SLC16A13: variants seen among roughly 807,000 people sequenced by gnomAD.
SLC16A13 encodes monocarboxylate transporter 13.
SLC16A13 carries 28 observed loss-of-function variants against 28.1 expected under a neutral mutation model. The ratio of observed to expected loss-of-function variants is 1.00; its 90% CI spans 0.74 to 1.37. SLC16A13 has a LOEUF of 1.37. Among genes scored for constraint, SLC16A13 ranks in the 40% most tolerant of loss-of-function variants. The pLI is 0.00. For synonymous variants in SLC16A13, 228 were observed against 241.6 expected, an observed-to-expected ratio of 0.94 and a Z score of 0.52; for missense variants, 482 against 531.8, an observed-to-expected ratio of 0.91 and a Z score of 0.92.
In SLC16A13 at chr17:7,039,761, A is replaced by C; in HGVS notation, c.1082-2A>C. 6.2e-7 allele frequency: 1 copy of C among 1,614,088 alleles called. No individual in the cohort carries two copies. ...TGTATTCTTTTTCTCTCTTGGACCT[A>C]GGCTACCTCCGGGATGTGACAGGCA... On this transcript the variant is annotated splice_acceptor_variant, in intron 3 of 3. Coordinates refer to ENST00000308027, the MANE Select transcript of SLC16A13 (RefSeq NM_201566.3). LOFTEE classifies it high-confidence loss of function. This position sits in a 1 kb window ranked among gnomAD's most constrained non-coding sequence, Gnocchi z 4.3.
chr17:7,036,827 T>A lies in SLC16A13; in HGVS notation c.300T>A (p.Ala100=), dbSNP rs751416300. ...TGGGGATGCTGCTCGCCTCTTTTGC[T>A]ACTTCCTTGACCCACCTATACCTGA... ...AALGMLLASF[A]TSLTHLYLSI... Residue 100 remains alanine, a synonymous_variant, in exon 2 of 4, where the codon GCT becomes GCA. Transcript: ENST00000308027. 1.9e-6 allele frequency: 3 copies of A among 1,613,828 alleles called. No homozygotes were observed. In the South Asian group the frequency reaches 3.3e-5, roughly 18 times the overall value.
At position 7,036,223 on chromosome 17, in the gene SLC16A13, G is replaced by A. The variant is rs1475729331; in HGVS notation, c.-160G>A. 12 of 675,746 alleles carry A rather than the reference G, an allele frequency of 1.8e-5. No homozygotes were observed. The highest frequency in any genetic ancestry group is 9.0e-5 in the African/African-American group (5 of 55,422). 41.9% of individuals were successfully genotyped at this position (675,746 alleles called of 1,614,324 possible). On this transcript the variant is annotated 5_prime_UTR_variant, in exon 1 of 4. Transcript: ENST00000308027. ...CGCCCCGCCTTGGGAAAAGGTGCAG[G>A]GGCCTCTCGCCGCCTCGTCGGGCCC...
Position 7,036,169 on chromosome 17 carries a change from C to T in SLC16A13, c.-214C>T. The T allele has an allele frequency of 1.9e-6, 1 of 514,554 alleles. No individual in the cohort carries two copies. 31.9% of individuals were successfully genotyped at this position (514,554 alleles called of 1,614,324 possible). A position where few individuals can be genotyped will look rare whatever the true frequency, so the allele number is the denominator to read the frequency against. ...CGCCCCCGGGAGACTCTGGCCCGGC[C>T]AGCGCGGGCCAGGTCTTCAGTCCTA... is the stretch of plus-strand genomic sequence containing the variant. On this transcript the variant is annotated 5_prime_UTR_variant, in exon 1 of 4. Coordinates refer to ENST00000308027, the MANE Select transcript of SLC16A13 (RefSeq NM_201566.3).
In SLC16A13 at chr17:7,036,163, C is replaced by A; in HGVS notation, c.-220C>A. ...GAACCACGCCCCCGGGAGACTCTGG[C>A]CCGGCCAGCGCGGGCCAGGTCTTCA... On this transcript the variant is annotated 5_prime_UTR_variant, in exon 1 of 4. Transcript: ENST00000308027. The A allele has an allele frequency of 2.0e-6, 1 of 504,636 alleles. No individual in the cohort carries two copies. The highest frequency in any genetic ancestry group is 3.5e-6 in the Non-Finnish European group (1 of 286,536). The allele number at this position is 504,636 out of a possible 1,614,324, so 31.3% of individuals were successfully genotyped here. A position where few individuals can be genotyped will look rare whatever the true frequency, so the allele number is the denominator to read the frequency against.
At position 7,039,888 on chromosome 17, in the gene SLC16A13, G is replaced by A. The variant is rs142202123; in HGVS notation, c.1207G>A (p.Gly403Arg). The change falls in exon 4 of 4, where the codon GGG (glycine) becomes AGG (arginine). Residue 403 changes from glycine (G) to arginine (R), a missense_variant. By Grantham distance (125) the Gly-to-Arg change is moderately radical. Transcript: ENST00000308027. This position sits in a 1 kb window ranked among gnomAD's most constrained non-coding sequence, Gnocchi z 4.3. ...HFFCFSTTTSGPQDLVTEALD... is the reference protein window; with the variant it reads ...HFFCFSTTTSRPQDLVTEALD... Reference sequence around the variant, plus strand: ...CTTCTGCTTCTCAACTACTACCTCCGGGCCCCAGGACCTTGTAACAGAAGC... The same window carrying A: ...CTTCTGCTTCTCAACTACTACCTCCAGGCCCCAGGACCTTGTAACAGAAGC... 1.1e-5 allele frequency: 17 copies of A among 1,613,842 alleles called. No homozygotes were observed. The African/African-American group carries it at 1.2e-4, about 11-fold the overall frequency.
rs749526335 is a variant in SLC16A13, at chr17:7,038,453, C to T, written c.645C>T (p.Pro215=). The part of the protein sequence containing the change: ...AQLTSLLHHG[P]FLRYTVALTL... ...TCACCTCTCTCCTCCATCATGGCCC[C>T]TTCCTCCGTTACACTGTTGCCCTCA... The change falls in exon 3 of 4, where the codon CCC becomes CCT. Residue 215 remains proline, a synonymous_variant. Transcript: ENST00000308027. This position sits in a 1 kb window ranked among gnomAD's most constrained non-coding sequence, Gnocchi z 5.7. 1.2e-6 allele frequency: 2 copies of T among 1,614,034 alleles called. No homozygotes were observed. The highest frequency in any genetic ancestry group is 1.7e-6 in the Non-Finnish European group (2 of 1,179,890).
Position 7,038,318 on chromosome 17 carries a change from G to A in SLC16A13, c.510G>A (p.Gly170=). Residue 170 remains glycine, a synonymous_variant, in exon 3 of 4, where the codon GGG becomes GGA. Transcript: ENST00000308027. The surrounding 1 kb of genome is among the most constrained non-coding windows in gnomAD (Gnocchi z 5.7). ...QWLLSHYAWR[G]SLLLVSALSL... The stretch of plus-strand genomic sequence containing the variant: ...TGCTCAGCCACTACGCCTGGAGGGG[G>A]TCCCTGCTGCTGGTGTCTGCCCTCT... 13 of 1,614,074 alleles carry A rather than the reference G, an allele frequency of 8.1e-6. No homozygotes were observed. Among genetic ancestry groups the A allele is most frequent in the Non-Finnish European group, 1.1e-5 (13 of 1,180,008 alleles).
rs1208112675 is a variant in SLC16A13, at chr17:7,037,267, G to C, written c.343+397G>C. Among the ~76,000 whole-genome samples, 4 of 136,492 alleles carry C rather than the reference G, an allele frequency of 2.9e-5. 1 individual carries two copies. The highest frequency in any genetic ancestry group is 6.4e-5 in the Non-Finnish European group (4 of 62,984). The allele number at this position is 136,492 out of a possible 152,430, so 89.5% of individuals were successfully genotyped here. On this transcript the variant is annotated intron_variant, in intron 2 of 3. Transcript: ENST00000308027. The stretch of plus-strand genomic sequence containing the variant: ...TGAGGCAGGAGAATCGCTTGAACCC[G>C]GGAGGCGGAGGTTGCAGTGAGCCAA...
chr17:7,037,358 A>AAAAAAAC, intron 2 of SLC16A13, among the ~76,000 whole-genome samples: 1 of 140,318 alleles, frequency 7.1e-6, no homozygotes, highest in African/African-American at 2.6e-5. Flanking sequence ...AAAAAAAAAA[A>AAAAAAAC]AGATGAAACC....
intron 1 of SLC16A13, 51 bp downstream of exon 1, chr17:7,036,632 G>C: frequency 6.2e-7 from 1 of 1,610,064 alleles, no homozygotes; most frequent in South Asian, 1.1e-5. Flanking sequence ...AAGGGAGAGG[G>C]AATGCGGCGA....
chr17:7,036,134 C>T lies in SLC16A13; in HGVS notation c.-249C>T. ...GCTTGAACTAGCTCAGCTCCGAGCT[C>T]GCGGAACCACGCCCCCGGGAGACTC... is the stretch of plus-strand genomic sequence containing the variant. On this transcript the variant is annotated 5_prime_UTR_variant, in exon 1 of 4. Transcript: ENST00000308027. The T allele has an allele frequency of 2.2e-6, 1 of 459,996 alleles. No homozygotes were observed. Among genetic ancestry groups the T allele is most frequent in the Non-Finnish European group, 3.9e-6 (1 of 259,146 alleles). The allele number at this position is 459,996 out of a possible 1,614,324, so 28.5% of individuals were successfully genotyped here.
Position 7,039,729 on chromosome 17 carries a change from A to G in SLC16A13, c.1082-34A>G, listed in dbSNP as rs1408697047. On this transcript the variant is annotated intron_variant, in intron 3 of 3. Transcript: ENST00000308027. The surrounding 1 kb of genome is among the most constrained non-coding windows in gnomAD (Gnocchi z 4.3). The stretch of plus-strand genomic sequence containing the variant: ...AGCCCTCAGCCCCAGCAAATAGATC[A>G]CTCATGTGTATTCTTTTTCTCTCTT... 1 of 1,608,974 alleles carries G rather than the reference A, an allele frequency of 6.2e-7. No homozygotes were observed. Among genetic ancestry groups the G allele is most frequent in the Non-Finnish European group, 8.5e-7 (1 of 1,175,864 alleles).
At chr17:7,036,966 G>A in intron 2 of SLC16A13, 96 bp downstream of exon 2, 1 of 1,473,866 alleles carries the variant, frequency 6.8e-7, no homozygotes, top group Non-Finnish European at 9.2e-7. Context: ...GAGAAGCTGA[G>A]GGAAAGTTTA....
chr17:7,037,977 G>A lies in SLC16A13; in HGVS notation c.344-175G>A, dbSNP rs574069919. On this transcript the variant is annotated intron_variant, in intron 2 of 3. Coordinates refer to ENST00000308027, the MANE Select transcript of SLC16A13 (RefSeq NM_201566.3). ...TGCAGTTGAGAAGGTTGAGGCTGGG[G>A]GTGTTAAGTAAAACACACAAGGTTA... 3.3e-5 allele frequency among the ~76,000 whole-genome samples: 5 copies of A among 152,236 alleles called. No individual in the cohort carries two copies. The East Asian group carries it at 9.6e-4, about 29-fold the overall frequency.
At position 7,038,357 on chromosome 17, in the gene SLC16A13, G is replaced by A. The variant is rs142224377; in HGVS notation, c.549G>A (p.Val183=). The A allele has an allele frequency of 4.7e-5, 76 of 1,614,056 alleles. No homozygotes were observed. The highest frequency in any genetic ancestry group is 4.4e-4 in the African/African-American group (33 of 75,032). Reference sequence around the variant, plus strand: ...TGTCTGCCCTCTCCCTCCACCTAGTGGCCTGTGGTGCTCTCCTCCGCCCAC... The same window carrying A: ...TGTCTGCCCTCTCCCTCCACCTAGTAGCCTGTGGTGCTCTCCTCCGCCCAC... The part of the protein sequence containing the change: ...LLVSALSLHL[V]ACGALLRPPS... Residue 183 remains valine, a synonymous_variant, in exon 3 of 4, where the codon GTG becomes GTA. Transcript: ENST00000308027. This position sits in a 1 kb window ranked among gnomAD's most constrained non-coding sequence, Gnocchi z 5.7.
At position 7,038,912 on chromosome 17, in the gene SLC16A13, G is replaced by T. The variant is rs551306914; in HGVS notation, c.1081+23G>T. The T allele has an allele frequency of 6.9e-6, 11 of 1,583,448 alleles. 1 individual carries two copies. The Admixed American group carries it at 2.0e-4, about 28-fold the overall frequency. ...CAGGTAAGTGGAATGGGGTTCCCAG[G>T]GGGTGAGGGCTGCCATGTTGCACAA... On this transcript the variant is annotated intron_variant, in intron 3 of 3. Transcript: ENST00000308027. This position sits in a 1 kb window ranked among gnomAD's most constrained non-coding sequence, Gnocchi z 5.7.
chr17:7,036,755 G>A lies in SLC16A13; in HGVS notation c.228G>A (p.Lys76=). The A allele has an allele frequency of 6.2e-7, 1 of 1,613,460 alleles. No homozygotes were observed. ...CGGTAGGCAGTGCCCTGAGCACGAA[G>A]TTCGGGCCCAGGCCCGTGGTGATGA... The part of the protein sequence containing the change: ...GSPVGSALST[K]FGPRPVVMTG... Residue 76 remains lysine, a synonymous_variant, in exon 2 of 4, where the codon AAG becomes AAA. Coordinates refer to ENST00000308027, the MANE Select transcript of SLC16A13 (RefSeq NM_201566.3).
At position 7,039,775 on chromosome 17, in the gene SLC16A13, A is replaced by G; in HGVS notation, c.1094A>G (p.Asp365Gly). Reference sequence around the variant, plus strand: ...CTCTTGGACCTAGGCTACCTCCGGGATGTGACAGGCAACTACACGGCTTCT... The same window carrying G: ...CTCTTGGACCTAGGCTACCTCCGGGGTGTGACAGGCAACTACACGGCTTCT... ...LGPPLSGYLR[D>G]VTGNYTASFV... The change falls in exon 4 of 4, where the codon GAT becomes GGT. Residue 365 changes from aspartate (D) to glycine (G), a missense_variant. Transcript: ENST00000308027. The surrounding 1 kb of genome is among the most constrained non-coding windows in gnomAD (Gnocchi z 4.3). The G allele has an allele frequency of 6.2e-7, 1 of 1,614,138 alleles. No homozygotes were observed. The highest frequency in any genetic ancestry group is 1.1e-5 in the South Asian group (1 of 91,074).
intron 2 of SLC16A13, 102 bp downstream of exon 2, chr17:7,036,972 G>C: frequency 1.4e-6 from 2 of 1,402,340 alleles, no homozygotes; most frequent in Non-Finnish European, 1.9e-6. Context: ...CTGAGGGAAA[G>C]TTTAGCTAGC....
Sources: allele counts gnomAD v4.1 joint callset (sites outside exome capture counted in the v4.1 genomes callset), GRCh38; gene constraint gnomAD v4.1.1; non-coding constraint Gnocchi (gnomAD v3.1); transcripts MANE v1.5; gene names NCBI Gene and HGNC (gene_info 2026-07-23, HGNC 2026-07-21).